The following FER variants were observed in gnomAD, a reference collection of about 807,000 sequenced individuals.
FER encodes the protein tyrosine-protein kinase Fer.
A neutral mutation model predicts 111.0 loss-of-function variants in FER; 63 were observed. The observed-to-expected ratio is 0.57, with a 90% CI of 0.46 to 0.70. FER has a LOEUF of 0.70. FER is among the 30% of genes least tolerant of loss of function. FER has a pLI of 0.00. For missense variants in FER, 914 were observed against 954.0 expected, an observed-to-expected ratio of 0.96 and a Z score of 0.55; for synonymous variants, 327 against 313.9, an observed-to-expected ratio of 1.04 and a Z score of -0.44.
Position 108,916,605 on chromosome 5 carries a change from A to G in FER, c.1236+18757A>G, listed in dbSNP as rs191026127. ...AGATATAGCTTATGTTCACAGTATT[A>G]TATAATTATTACAGATAGCTGTATT... is the stretch of plus-strand genomic sequence containing the variant. On this transcript the variant is annotated intron_variant, in intron 10 of 19. Coordinates refer to ENST00000281092, the MANE Select transcript of FER (RefSeq NM_005246.4). Among the ~76,000 whole-genome samples, 119 of 152,242 alleles carry G rather than the reference A, an allele frequency of 7.8e-4. 2 individuals carry two copies. The highest frequency in any genetic ancestry group is 1.9e-3 in the Admixed American group (29 of 15,290).
chr5:109,173,009 T>G (rs1290409828), intron 17 of FER, among the ~76,000 whole-genome samples: 1 of 152,250 alleles, frequency 6.6e-6, no homozygotes, highest in African/African-American at 2.4e-5. Flanking sequence ...TATGTTTGGT[T>G]CCGAGTTATC....
At chr5:109,122,870 G>A (rs1751162801) in intron 17 of FER, among the ~76,000 whole-genome samples, 1 of 151,978 alleles carries the variant, frequency 6.6e-6, no homozygotes, top group Non-Finnish European at 1.5e-5. Context: ...TTGTTGTGAT[G>A]TAAGTATAGC....
At chr5:109,078,294 T>C (rs1332842353) in intron 16 of FER, among the ~76,000 whole-genome samples, 1 of 152,196 alleles carries the variant, frequency 6.6e-6, no homozygotes, top group Non-Finnish European at 1.5e-5. Flanking sequence ...AAAATAATGC[T>C]GTGGAGAATC....
intron 13 of FER, among the ~76,000 whole-genome samples, chr5:109,023,080 A>G (rs1285716790): frequency 6.6e-6 from 1 of 152,130 alleles, no homozygotes; most frequent in Admixed American, 6.6e-5. Flanking sequence ...AATCAGGTTA[A>G]AAGACTATTA....
chr5:108,904,005 A>G (rs1017411635), intron 10 of FER, among the ~76,000 whole-genome samples: 3 of 152,164 alleles, frequency 2.0e-5, no homozygotes, highest in African/African-American at 7.2e-5. Flanking sequence ...AGTGTTCTGT[A>G]TCTTGCTTTT....
At chr5:109,081,369 T>C (rs1344071725) in intron 16 of FER, among the ~76,000 whole-genome samples, 1 of 152,032 alleles carries the variant, frequency 6.6e-6, no homozygotes, top group Non-Finnish European at 1.5e-5. Context: ...CTTATCTTTT[T>C]CCCCAACTTA....
chr5:109,086,939 T>C (rs1401852153), intron 16 of FER, among the ~76,000 whole-genome samples: 1 of 149,830 alleles, frequency 6.7e-6, no homozygotes, highest in East Asian at 1.9e-4. Context: ...TGTCTTCACA[T>C]GATCTTCCCT....
At chr5:108,801,398 C>A (rs753118989) in intron 3 of FER, among the ~76,000 whole-genome samples, 2 of 152,054 alleles carry the variant, frequency 1.3e-5, no homozygotes, top group East Asian at 3.9e-4. Context: ...TTATTTGTTC[C>A]TTGATAATAA....
intron 17 of FER, among the ~76,000 whole-genome samples, chr5:109,141,700 C>G (rs767443041): frequency 6.6e-6 from 1 of 152,114 alleles, no homozygotes; most frequent in Non-Finnish European, 1.5e-5. Context: ...AAGCTACTTC[C>G]TAGAAGTAAC....
At chr5:108,834,710 A>G (rs943447784) in intron 4 of FER, among the ~76,000 whole-genome samples, 3 of 151,956 alleles carry the variant, frequency 2.0e-5, no homozygotes, top group African/African-American at 4.8e-5. Context: ...AAAAAAAAAA[A>G]AAAAAAAAGT....
chr5:109,135,279 A>G (rs961970821), intron 17 of FER, among the ~76,000 whole-genome samples: 1 of 152,162 alleles, frequency 6.6e-6, no homozygotes, highest in African/African-American at 2.4e-5. Flanking sequence ...TCCTCACAAA[A>G]TCCTTGAAGG....
At chr5:108,762,366 A>G (rs1481237644) in intron 1 of FER, among the ~76,000 whole-genome samples, 1 of 152,174 alleles carries the variant, frequency 6.6e-6, no homozygotes, top group Non-Finnish European at 1.5e-5. Context: ...TTTTCTTCAA[A>G]GAAATACCTA....
intron 13 of FER, among the ~76,000 whole-genome samples, chr5:108,982,768 G>A (rs1165529466): frequency 6.6e-6 from 1 of 151,894 alleles, no homozygotes; most frequent in Non-Finnish European, 1.5e-5. Context: ...TCAGAAATAT[G>A]TCCCCAACTC....
At position 109,189,960 on chromosome 5, in the gene FER, T is replaced by C. The variant is rs1759260935; in HGVS notation, c.*2385T>C. Reference sequence around the variant, plus strand: ...GTGTAGCATTTAAATTCCATTTTATTCTTTGTCCTAAAGCAGGCAGTGGTA... The same window carrying C: ...GTGTAGCATTTAAATTCCATTTTATCCTTTGTCCTAAAGCAGGCAGTGGTA... On this transcript the variant is annotated 3_prime_UTR_variant, in exon 20 of 20. Coordinates refer to ENST00000281092, the MANE Select transcript of FER (RefSeq NM_005246.4). 1 of 152,226 alleles carries C rather than the reference T, an allele frequency of 6.6e-6. No homozygotes were observed. The highest frequency in any genetic ancestry group is 2.1e-4 in the South Asian group (1 of 4,836). 9.4% of individuals were successfully genotyped at this position (152,226 alleles called of 1,614,324 possible).
At chr5:109,145,489 T>A (rs1022557806) in intron 17 of FER, among the ~76,000 whole-genome samples, 1 of 152,070 alleles carries the variant, frequency 6.6e-6, no homozygotes, top group African/African-American at 2.4e-5. Context: ...TTTTCTTGCC[T>A]GAGTTGTAAA....
intron 17 of FER, among the ~76,000 whole-genome samples, chr5:109,111,756 A>C (rs764203016): frequency 6.6e-6 from 1 of 152,054 alleles, no homozygotes; most frequent in Non-Finnish European, 1.5e-5. Flanking sequence ...TAAACCATCA[A>C]ATCTCATAAG....
chr5:109,110,463 G>C (rs1216215897), intron 17 of FER, among the ~76,000 whole-genome samples: 1 of 152,034 alleles, frequency 6.6e-6, no homozygotes, highest in African/African-American at 2.4e-5. Context: ...GGGCATGCTA[G>C]GTGTGTCAAA....
In FER at chr5:108,827,280, G is replaced by A. The variant is rs144441778; in HGVS notation, c.208-5490G>A. On this transcript the variant is annotated intron_variant, in intron 3 of 19. Transcript: ENST00000281092. ...AGAGTGCAAGAGTGAGAGCCTGCCA[G>A]CCTTCCTCCTATTCCTCAACCCTAT... 1.6e-3 allele frequency among the ~76,000 whole-genome samples: 249 copies of A among 152,310 alleles called. 5 individuals carry two copies. The East Asian group carries it at 0.044, about 27-fold the overall frequency.
chr5:108,922,362 G>A (rs1331379212), intron 10 of FER, among the ~76,000 whole-genome samples: 1 of 152,166 alleles, frequency 6.6e-6, no homozygotes. Context: ...TCCTAGTGAG[G>A]TATCTAGATG....
Sources: allele counts gnomAD v4.1 joint callset (sites outside exome capture counted in the v4.1 genomes callset), GRCh38; gene constraint gnomAD v4.1.1; transcripts MANE v1.5; gene names NCBI Gene and HGNC (gene_info 2026-07-23, HGNC 2026-07-21).